The following ARGFX variants were observed in gnomAD, a reference collection of about 807,000 sequenced individuals.
ARGFX encodes arginine-fifty homeobox.
ARGFX carries 10 observed loss-of-function variants against 8.0 expected under a neutral mutation model. The ratio of observed to expected loss-of-function variants is 1.25; its 90% CI spans 0.77 to 2.12. The LOEUF (loss-of-function observed/expected upper bound fraction) is 2.12. Among genes scored for constraint, ARGFX ranks in the 30% most tolerant of loss-of-function variants. The pLI is 0.00. For synonymous variants in ARGFX, 116 were observed against 117.8 expected (o/e 0.98, Z 0.10); for missense variants, 282 against 324.3 (o/e 0.87, Z 1.00).
At chr3:121,575,544 C>T (rs534834232) in intron 2 of ARGFX, among the ~76,000 whole-genome samples, 6 of 152,106 alleles carry the variant, frequency 3.9e-5, no homozygotes, top group East Asian at 1.9e-4. Context: ...GGCATGAGAG[C>T]GAGCACAGAA....
At position 121,586,642 on chromosome 3, in the gene ARGFX, T is replaced by C; in HGVS notation, c.*42T>C. The C allele has an allele frequency of 6.7e-7, 1 of 1,487,324 alleles. No individual in the cohort carries two copies. The allele number at this position is 1,487,324 out of a possible 1,614,324, so 92.1% of individuals were successfully genotyped here. On this transcript the variant is annotated 3_prime_UTR_variant, in exon 5 of 5. Coordinates refer to ENST00000334384, the MANE Select transcript of ARGFX (RefSeq NM_001012659.2). ...TATAGATCATTTAGAAAAGTGGTCTTCTTGCCTCTTGTACATGACTGTTTT... is the reference window on the plus strand; with the variant it reads ...TATAGATCATTTAGAAAAGTGGTCTCCTTGCCTCTTGTACATGACTGTTTT...
intron 2 of ARGFX, among the ~76,000 whole-genome samples, chr3:121,576,288 G>C (rs986062767): frequency 3.9e-5 from 6 of 152,044 alleles, no homozygotes; most frequent in Non-Finnish European, 5.9e-5. Context: ...TGAGATTATG[G>C]TGGTTTGGAT....
At chr3:121,570,403 T>C (rs1207190585) in intron 1 of ARGFX, among the ~76,000 whole-genome samples, 2 of 152,240 alleles carry the variant, frequency 1.3e-5, no homozygotes, top group Non-Finnish European at 2.9e-5. Flanking sequence ...GATCTCTATC[T>C]TTTCGTGTAT....
intron 1 of ARGFX, among the ~76,000 whole-genome samples, chr3:121,568,399 A>C (rs1203034136): frequency 6.6e-6 from 1 of 152,250 alleles, no homozygotes; most frequent in African/African-American, 2.4e-5. Context: ...TGTAGGAAGA[A>C]GGCAATAAAA....
chr3:121,580,208 CCTTATCTTACTGCAACCT>C (rs1488859105), intron 3 of ARGFX, among the ~76,000 whole-genome samples: 1 of 151,426 alleles, frequency 6.6e-6, no homozygotes, highest in Non-Finnish European at 1.5e-5. Context: ...CAGAGCAAGA[CCTTATCTTACTGCAACCT>C]CCGCCTCCCG....
rs1436846272 is a variant in ARGFX at position 121,589,915 on chromosome 3, G to A, written c.*3315G>A. Among the ~76,000 whole-genome samples the A allele has an allele frequency of 2.0e-5, 3 of 151,858 alleles. No individual in the cohort carries two copies. Among genetic ancestry groups the A allele is most frequent in the African/African-American group, 7.3e-5 (3 of 41,364 alleles). On this transcript the variant is annotated 3_prime_UTR_variant, in exon 5 of 5. Coordinates refer to ENST00000334384, the MANE Select transcript of ARGFX (RefSeq NM_001012659.2). The stretch of plus-strand genomic sequence containing the variant: ...ACAGTCCAAAGAAAGCAGAAAGAAG[G>A]AAAGCCTAGAACAGAAATAAATGAA...
At chr3:121,574,658 G>T in intron 2 of ARGFX, among the ~76,000 whole-genome samples, 1 of 152,192 alleles carries the variant, frequency 6.6e-6, no homozygotes, top group East Asian at 1.9e-4. Context: ...ATAAAGCTTC[G>T]CTGACTCATT....
In ARGFX at chr3:121,578,347, G is replaced by A. The variant is rs577144113; in HGVS notation, c.220+1447G>A. Reference sequence around the variant, plus strand: ...TCTCCATGTTCGTCAGGCTGATCTCGAACTCCTGACCTCAGGTGATCCACC... The same window carrying A: ...TCTCCATGTTCGTCAGGCTGATCTCAAACTCCTGACCTCAGGTGATCCACC... On this transcript the variant is annotated intron_variant, in intron 3 of 4. Transcript: ENST00000334384. Among the ~76,000 whole-genome samples the A allele has an allele frequency of 1.3e-4, 19 of 151,694 alleles. No homozygotes were observed. In the East Asian group the frequency reaches 3.3e-3, roughly 27 times the overall value.
chr3:121,577,577 G>A (rs1320766441), intron 3 of ARGFX, among the ~76,000 whole-genome samples: 1 of 151,264 alleles, frequency 6.6e-6, no homozygotes, highest in African/African-American at 2.4e-5. Flanking sequence ...TATTTTACAT[G>A]TCACATTACC....
chr3:121,583,669 G>A (rs1369005706), intron 3 of ARGFX, among the ~76,000 whole-genome samples: 5 of 151,800 alleles, frequency 3.3e-5, no homozygotes, highest in Non-Finnish European at 7.4e-5. Context: ...TGGGACCACA[G>A]GTACATGCAA....
chr3:121,569,309 C>T (rs1288179225), intron 1 of ARGFX, among the ~76,000 whole-genome samples: 1 of 149,552 alleles, frequency 6.7e-6, no homozygotes. Context: ...TTTGAAATTA[C>T]AACACAAACT....
intron 4 of ARGFX, 104 bp downstream of exon 4, chr3:121,585,169 T>G (rs2048803835): frequency 7.9e-7 from 1 of 1,271,068 alleles, no homozygotes; most frequent in Non-Finnish European, 1.1e-6. Flanking sequence ...TAATATTTCA[T>G]TAATTGAGTA....
intron 2 of ARGFX, among the ~76,000 whole-genome samples, chr3:121,572,348 T>G (rs2048714438): frequency 6.6e-6 from 1 of 150,894 alleles, no homozygotes; most frequent in South Asian, 2.1e-4. Flanking sequence ...ATCAAGCGAT[T>G]CTCCTGCCTC....
At chr3:121,579,026 A>G (rs2048761630) in intron 3 of ARGFX, among the ~76,000 whole-genome samples, 1 of 152,308 alleles carries the variant, frequency 6.6e-6, no homozygotes. Context: ...ACATATATCA[A>G]GATTACTGCT....
At chr3:121,568,452 T>A (rs1299927983) in intron 1 of ARGFX, among the ~76,000 whole-genome samples, 1 of 152,236 alleles carries the variant, frequency 6.6e-6, no homozygotes, top group Non-Finnish European at 1.5e-5. Context: ...AATTCTGCCT[T>A]ATGCTCTTGA....
intron 4 of ARGFX, among the ~76,000 whole-genome samples, chr3:121,585,314 T>A (rs1424857223): frequency 6.6e-6 from 1 of 152,164 alleles, no homozygotes; most frequent in Non-Finnish European, 1.5e-5. Context: ...TTGCTAGAAC[T>A]AAAACCCCAG....
In ARGFX at chr3:121,576,707, T is replaced by TTCTCTTTCTTTCTTTC. The variant is rs377124457; in HGVS notation, c.104-76_104-75insCTCTTTCTTTCTTTCT. ...TTTTTCTTTCTTTCTCTTTCTTTCT[T>TTCTCTTTCTTTCTTTC]TTTCTTTCTTTCTTTCTTTCTTTCT... On this transcript the variant is annotated intron_variant, in intron 2 of 4. Coordinates refer to ENST00000334384, the MANE Select transcript of ARGFX (RefSeq NM_001012659.2). 5.3e-4 allele frequency: 133 copies of TTCTCTTTCTTTCTTTC among 249,146 alleles called. 1 individual carries two copies. The highest frequency in any genetic ancestry group is 2.9e-3 in the African/African-American group (109 of 37,724). 15.4% of individuals were successfully genotyped at this position (249,146 alleles called of 1,614,324 possible).
Position 121,586,663 on chromosome 3 carries a change from G to A in ARGFX, c.*63G>A. On this transcript the variant is annotated 3_prime_UTR_variant, in exon 5 of 5. Transcript: ENST00000334384. Reference sequence around the variant, plus strand: ...GTCTTCTTGCCTCTTGTACATGACTGTTTTTTTCCTTTGTCTCATTTTAAC... The same window carrying A: ...GTCTTCTTGCCTCTTGTACATGACTATTTTTTTCCTTTGTCTCATTTTAAC... 1.5e-6 allele frequency: 2 copies of A among 1,350,342 alleles called. No homozygotes were observed. The highest frequency in any genetic ancestry group is 1.4e-5 in the South Asian group (1 of 70,270). The allele number at this position is 1,350,342 out of a possible 1,614,324, so 83.6% of individuals were successfully genotyped here.
chr3:121,580,694 T>G (rs2048773912), intron 3 of ARGFX, among the ~76,000 whole-genome samples: 1 of 149,086 alleles, frequency 6.7e-6, no homozygotes, highest in Non-Finnish European at 1.5e-5. Context: ...AACCTCCGCC[T>G]CCTGGGTTCA....
Sources: gnomAD v4.1 joint callset for allele counts (sites outside exome capture counted in the v4.1 genomes callset) on GRCh38, gnomAD v4.1.1 for gene constraint, MANE v1.5 for transcripts, NCBI Gene and HGNC (gene_info 2026-07-23, HGNC 2026-07-21) for gene names.